The following TRERF1 variants were observed in gnomAD, a reference collection of about 807,000 sequenced individuals.
TRERF1 encodes the protein transcriptional-regulating factor 1.
In TRERF1, 27 loss-of-function variants were observed where a neutral mutation model predicts 122.9. The observed-to-expected ratio is 0.22, with a 90% CI of 0.16 to 0.30. The LOEUF (loss-of-function observed/expected upper bound fraction) is 0.30. TRERF1 is among the 10% of genes least tolerant of loss of function. The pLI is 1.00. For synonymous variants in TRERF1, 636 were observed against 641.7 expected (o/e 0.99, Z 0.13); for missense variants, 1,248 against 1,560.3 (o/e 0.80, Z 3.37).
Position 42,269,485 on chromosome 6 carries a change from A to T in TRERF1, c.106T>A (p.Tyr36Asn), listed in dbSNP as rs1435750366. 6.2e-7 allele frequency: 1 copy of T among 1,614,032 alleles called. No homozygotes were observed. The highest frequency in any genetic ancestry group is 8.5e-7 in the Non-Finnish European group (1 of 1,180,036). The change falls in exon 5 of 18, where the codon TAT becomes AAT. Residue 36 changes from tyrosine to asparagine, a missense_variant. By Grantham distance (143) the Tyr-to-Asn change is moderately radical. This residue lies in a region of TRERF1 where 946 missense variants were observed against 1,073.0 expected (regional missense o/e 0.88). Transcript: ENST00000372922. This position sits in a 1 kb window ranked among gnomAD's most constrained non-coding sequence, Gnocchi z 4.9. ...CCGCCCCCTGTAACTGCATTCCCAT[A>T]GTTGTGGTTCAGCCCGCTGTGGACG...
chr6:42,254,502 G>A (rs531652610), intron 13 of TRERF1, among the ~76,000 whole-genome samples: 22 of 152,260 alleles, frequency 1.4e-4, no homozygotes, highest in Non-Finnish European at 2.8e-4. Context: ...TTGGCCAAGG[G>A]GTGCGGTAGA....
intron 2 of TRERF1, among the ~76,000 whole-genome samples, chr6:42,403,199 A>C (rs1779667810): frequency 6.6e-6 from 1 of 152,126 alleles, no homozygotes; most frequent in Non-Finnish European, 1.5e-5. Flanking sequence ...AATAAGGCCC[A>C]AAAAAGCAGG....
chr6:42,259,220 A>G lies in TRERF1; in HGVS notation c.2269+119T>C. The G allele has an allele frequency of 7.5e-7, 1 of 1,335,312 alleles. No individual in the cohort carries two copies. The highest frequency in any genetic ancestry group is 1.6e-5 in the South Asian group (1 of 61,012). 82.7% of individuals were successfully genotyped at this position (1,335,312 alleles called of 1,614,324 possible). A position where few individuals can be genotyped will look rare whatever the true frequency, so the allele number is the denominator to read the frequency against. ...TTCTTAACACCCAGCAGCGCGTGCT[A>G]CATACAGCCAATACTCCGCAAAAGT... is the stretch of plus-strand genomic sequence containing the variant. On this transcript the variant is annotated intron_variant, in intron 9 of 17. Transcript: ENST00000372922. This position sits in a 1 kb window ranked among gnomAD's most constrained non-coding sequence, Gnocchi z 4.9.
At chr6:42,426,578 T>A (rs1245883558) in intron 2 of TRERF1, among the ~76,000 whole-genome samples, 1 of 152,172 alleles carries the variant, frequency 6.6e-6, no homozygotes, top group Non-Finnish European at 1.5e-5. Flanking sequence ...CATGATCACA[T>A]CTATTTTGTT....
At chr6:42,233,900 A>C (rs1311485349) in intron 16 of TRERF1, among the ~76,000 whole-genome samples, 3 of 152,200 alleles carry the variant, frequency 2.0e-5, no homozygotes, top group Non-Finnish European at 2.9e-5. Flanking sequence ...GCAATGTTTA[A>C]GACCCCCAAA....
At chr6:42,394,598 A>G (rs1247221242) in intron 2 of TRERF1, among the ~76,000 whole-genome samples, 2 of 152,174 alleles carry the variant, frequency 1.3e-5, no homozygotes, top group Admixed American at 6.5e-5. Context: ...CTAACCAGAA[A>G]TGGTCTATAG....
chr6:42,432,369 C>G (rs1784618195), intron 2 of TRERF1, among the ~76,000 whole-genome samples: 1 of 152,178 alleles, frequency 6.6e-6, no homozygotes. Flanking sequence ...CAACTCTGAT[C>G]ATTTCTACTC....
chr6:42,389,225 G>A (rs1040967187), intron 2 of TRERF1, among the ~76,000 whole-genome samples: 1 of 152,236 alleles, frequency 6.6e-6, no homozygotes, highest in Non-Finnish European at 1.5e-5. Context: ...GGCAAGAAGC[G>A]AGGTACCTCT....
At chr6:42,288,706 A>G (rs1783733965) in intron 4 of TRERF1, among the ~76,000 whole-genome samples, 1 of 152,026 alleles carries the variant, frequency 6.6e-6, no homozygotes. Context: ...GAGGGGAAAT[A>G]GGGTGCAGAA....
At chr6:42,286,357 A>C (rs7743532) in intron 4 of TRERF1, among the ~76,000 whole-genome samples, 34,240 of 122,516 alleles carry the variant, frequency 0.28, 6,207 homozygotes, top group African/African-American at 0.36. Flanking sequence ...AACAGGCAAC[A>C]CACAAAATGG....
chr6:42,427,798 C>G (rs568430298), intron 2 of TRERF1, among the ~76,000 whole-genome samples: 101 of 152,224 alleles, frequency 6.6e-4, no homozygotes, highest in African/African-American at 2.2e-3. Context: ...GATCCTCCCG[C>G]CTCAGCCTCC....
At chr6:42,330,983 G>A (rs1581632644) in intron 3 of TRERF1, among the ~76,000 whole-genome samples, 1 of 152,006 alleles carries the variant, frequency 6.6e-6, no homozygotes, top group South Asian at 2.1e-4. Flanking sequence ...CCGACCAGAT[G>A]TTTTTTTTAA....
At chr6:42,418,852 T>C (rs1476965168) in intron 2 of TRERF1, among the ~76,000 whole-genome samples, 1 of 152,218 alleles carries the variant, frequency 6.6e-6, no homozygotes, top group Non-Finnish European at 1.5e-5. Context: ...TCACAACTGC[T>C]GTCTAATTAC....
At chr6:42,352,247 G>A (rs964619255) in intron 3 of TRERF1, among the ~76,000 whole-genome samples, 5 of 152,074 alleles carry the variant, frequency 3.3e-5, no homozygotes, top group African/African-American at 7.2e-5. Flanking sequence ...CTCTAGCCTC[G>A]ACTTGCCAAA....
intron 3 of TRERF1, among the ~76,000 whole-genome samples, chr6:42,326,636 C>A (rs1053474173): frequency 3.3e-5 from 5 of 152,178 alleles, no homozygotes; most frequent in Non-Finnish European, 5.9e-5. Flanking sequence ...AGGAGAGTGA[C>A]AAGGAGCAAG....
intron 2 of TRERF1, among the ~76,000 whole-genome samples, chr6:42,382,224 C>T (rs947107893): frequency 6.6e-6 from 1 of 151,476 alleles, no homozygotes; most frequent in African/African-American, 2.4e-5. Flanking sequence ...GGCATCCTGA[C>T]GGCACAGGAG....
Position 42,334,037 on chromosome 6 carries a change from ATATATG to A in TRERF1, c.-371+28954_-371+28959del, listed in dbSNP as rs530384104. Among the ~76,000 whole-genome samples, 1,129 of 152,218 alleles carry A rather than the reference ATATATG, an allele frequency of 7.4e-3. 3 individuals carry two copies. Among genetic ancestry groups the A allele is most frequent in the Non-Finnish European group, 0.012 (819 of 68,004 alleles). ...CACACACACACACACGTATGTACAC[ATATATG>A]TATATGTATATGTACATATACACAT... is the stretch of plus-strand genomic sequence containing the variant. On this transcript the variant is annotated intron_variant, in intron 3 of 17. Transcript: ENST00000372922.
At chr6:42,436,396 T>A (rs930589233) in intron 2 of TRERF1, among the ~76,000 whole-genome samples, 4 of 152,102 alleles carry the variant, frequency 2.6e-5, no homozygotes, top group Admixed American at 1.3e-4. Context: ...TAAGCAACTA[T>A]TTTTTTAAGT....
chr6:42,338,309 G>A (rs780921281), intron 3 of TRERF1, among the ~76,000 whole-genome samples: 5 of 147,126 alleles, frequency 3.4e-5, no homozygotes, highest in African/African-American at 4.9e-5. Flanking sequence ...ATGGGCAACC[G>A]GTCTTCTGAA....
Sources: allele counts gnomAD v4.1 joint callset (sites outside exome capture counted in the v4.1 genomes callset), GRCh38; gene constraint gnomAD v4.1.1; regional missense constraint gnomAD v4.1.1; non-coding constraint Gnocchi (gnomAD v3.1); transcripts MANE v1.5; gene names NCBI Gene and HGNC (gene_info 2026-07-23, HGNC 2026-07-21).